Variants in TAF11 observed in about 807,000 individuals in gnomAD.
TAF11 encodes the protein TATA-box binding protein associated factor 11.
Under a neutral mutation model 23.0 loss-of-function variants are expected in TAF11, and 10 were observed. The observed-to-expected ratio is 0.43, with a 90% CI of 0.27 to 0.74. The LOEUF (loss-of-function observed/expected upper bound fraction) is 0.74. Ranked by LOEUF, TAF11 falls within the 30% of genes least tolerant of loss-of-function variation. The pLI is 0.19. For missense variants in TAF11, 196 were observed against 261.7 expected (o/e 0.75, Z 1.73); for synonymous variants, 85 against 95.8 (o/e 0.89, Z 0.66).
Position 34,878,502 on chromosome 6 carries a change from A to T in TAF11, c.*88T>A. The T allele has an allele frequency of 1.3e-6, 1 of 756,942 alleles. No individual in the cohort carries two copies. 46.9% of individuals were successfully genotyped at this position (756,942 alleles called of 1,614,324 possible). A position where few individuals can be genotyped will look rare whatever the true frequency, so the allele number is the denominator to read the frequency against. ...ATCATGGAATCCTTGGAGGCCTGAG[A>T]TACTAAAGCACCAATGCAGACAGTC... On this transcript the variant is annotated 3_prime_UTR_variant, in exon 5 of 5. Coordinates refer to ENST00000361288, the MANE Select transcript of TAF11 (RefSeq NM_005643.4).
At chr6:34,886,606 C>T (rs1024143448) in intron 1 of TAF11, among the ~76,000 whole-genome samples, 1 of 151,910 alleles carries the variant, frequency 6.6e-6, no homozygotes, top group African/African-American at 2.4e-5. Context: ...GCCGGGATTA[C>T]AGGCGCCCGC....
In TAF11 at chr6:34,877,607, T is replaced by A. The variant is rs1225314614; in HGVS notation, c.*983A>T. On this transcript the variant is annotated 3_prime_UTR_variant, in exon 5 of 5. Transcript: ENST00000361288. Reference sequence around the variant, plus strand: ...AGTCTTGGGGGGGGAATTATTACACTGTTTTTAACAGTGCTTGAAGTACTC... The same window carrying A: ...AGTCTTGGGGGGGGAATTATTACACAGTTTTTAACAGTGCTTGAAGTACTC... The A allele has an allele frequency of 6.6e-6, 1 of 152,576 alleles. No homozygotes were observed. Among genetic ancestry groups the A allele is most frequent in the Non-Finnish European group, 1.5e-5 (1 of 68,032 alleles). The allele number at this position is 152,576 out of a possible 1,614,324, so 9.5% of individuals were successfully genotyped here.
intron 1 of TAF11, among the ~76,000 whole-genome samples, chr6:34,883,378 C>CA (rs1342759828): frequency 9.3e-6 from 1 of 107,548 alleles, no homozygotes; most frequent in African/African-American, 9.4e-5. Context: ...AATCACCCTC[C>CA]CCCGGGCCCA....
Position 34,887,980 on chromosome 6 carries a change from A to G in TAF11, c.-23T>C, listed in dbSNP as rs777144220. Reference sequence around the variant, plus strand: ...CATCACGGATAGGATTGGAGGGGAGAGGAGATCGCGGAGATGCCTGAGGCA... The same window carrying G: ...CATCACGGATAGGATTGGAGGGGAGGGGAGATCGCGGAGATGCCTGAGGCA... On this transcript the variant is annotated 5_prime_UTR_variant, in exon 1 of 5. Transcript: ENST00000361288. 1.2e-6 allele frequency: 2 copies of G among 1,612,996 alleles called. No homozygotes were observed. Among genetic ancestry groups the G allele is most frequent in the East Asian group, 4.5e-5 (2 of 44,852 alleles).
chr6:34,885,126 C>G (rs1766506410), intron 1 of TAF11, among the ~76,000 whole-genome samples: 1 of 150,214 alleles, frequency 6.7e-6, no homozygotes. Context: ...CCCCCAGACT[C>G]GCTCTGTTGC....
Position 34,880,482 on chromosome 6 carries a change from G to T in TAF11, c.321-106C>A, listed in dbSNP as rs1343997195. On this transcript the variant is annotated intron_variant, in intron 2 of 4. Coordinates refer to ENST00000361288, the MANE Select transcript of TAF11 (RefSeq NM_005643.4). This position sits in a 1 kb window ranked among gnomAD's most constrained non-coding sequence, Gnocchi z 4.8. ...AATTCAAAAACGAATTCTTAAAGGG[G>T]TCAATGGCATTAGGCTTGGTGCCTT... 5.1e-6 allele frequency: 5 copies of T among 984,084 alleles called. No homozygotes were observed. Among genetic ancestry groups the T allele is most frequent in the African/African-American group, 1.6e-5 (1 of 61,730 alleles). The allele number at this position is 984,084 out of a possible 1,614,324, so 61.0% of individuals were successfully genotyped here.
chr6:34,879,644 C>G, intron 4 of TAF11: 1 of 985,326 alleles, frequency 1.0e-6, no homozygotes, highest in Non-Finnish European at 1.2e-6. Context: ...ACAGGTCACC[C>G]CTGTGATTGC....
At chr6:34,887,305 G>C (rs1198819661) in intron 1 of TAF11, among the ~76,000 whole-genome samples, 1 of 152,014 alleles carries the variant, frequency 6.6e-6, no homozygotes, top group African/African-American at 2.4e-5. Context: ...AATCGTGTTC[G>C]ATATAAAAGT....
rs1766395977 is a variant in TAF11, at chr6:34,880,165, A to T, written c.409-102T>A. The T allele has an allele frequency of 6.6e-7, 1 of 1,519,068 alleles. No homozygotes were observed. Among genetic ancestry groups the T allele is most frequent in the South Asian group, 1.1e-5 (1 of 87,462 alleles). The allele number at this position is 1,519,068 out of a possible 1,614,324, so 94.1% of individuals were successfully genotyped here. On this transcript the variant is annotated intron_variant, in intron 3 of 4. Transcript: ENST00000361288. The surrounding 1 kb of genome is among the most constrained non-coding windows in gnomAD (Gnocchi z 4.8). ...GAAAAAGGTAAGATAACTGAAGTGC[A>T]TTTTTTTTCCCACCTAAATAATCCC...
intron 2 of TAF11, among the ~76,000 whole-genome samples, chr6:34,881,928 C>G (rs1033715748): frequency 6.6e-6 from 1 of 151,054 alleles, no homozygotes. Context: ...AAACTCCTGA[C>G]CTCAAGTGAT....
Position 34,877,651 on chromosome 6 carries a change from T to C in TAF11, c.*939A>G, listed in dbSNP as rs1766330549. The C allele has an allele frequency of 6.6e-6, 1 of 152,580 alleles. No homozygotes were observed. The highest frequency in any genetic ancestry group is 1.5e-5 in the Non-Finnish European group (1 of 68,036). The allele number at this position is 152,580 out of a possible 1,614,324, so 9.5% of individuals were successfully genotyped here. ...AGTACTCTTTTATGAGATAAAATTT[T>C]AATGGTTCTACTAGAAAAAGTGCTC... On this transcript the variant is annotated 3_prime_UTR_variant, in exon 5 of 5. Transcript: ENST00000361288.
At chr6:34,878,807 CT>C in intron 4 of TAF11, 87 bp from the exon 5 acceptor site, 1 of 1,225,206 alleles carries the variant, frequency 8.2e-7, no homozygotes, top group South Asian at 1.3e-5. Flanking sequence ...TTCTTGTTAA[CT>C]TTTCTTAAGC....
chr6:34,878,502 A>G lies in TAF11; in HGVS notation c.*88T>C. ...ATCATGGAATCCTTGGAGGCCTGAG[A>G]TACTAAAGCACCAATGCAGACAGTC... On this transcript the variant is annotated 3_prime_UTR_variant, in exon 5 of 5. Coordinates refer to ENST00000361288, the MANE Select transcript of TAF11 (RefSeq NM_005643.4). 1.3e-6 allele frequency: 1 copy of G among 756,942 alleles called. No individual in the cohort carries two copies. The highest frequency in any genetic ancestry group is 2.4e-6 in the Non-Finnish European group (1 of 422,150). The allele number at this position is 756,942 out of a possible 1,614,324, so 46.9% of individuals were successfully genotyped here.
At chr6:34,882,824 AT>A (rs1461511666) in intron 2 of TAF11, 107 bp downstream of exon 2, 5 of 1,338,110 alleles carry the variant, frequency 3.7e-6, no homozygotes, top group Non-Finnish European at 5.0e-6. Context: ...TAATCGTTTT[AT>A]TTTCTTTTGA....
Position 34,882,940 on chromosome 6 carries a change from C to T in TAF11, c.312G>A (p.Gln104=), listed in dbSNP as rs150846067. The change falls in exon 2 of 5, where the codon CAG becomes CAA. Residue 104 remains glutamine (Q), a synonymous_variant. Coordinates refer to ENST00000361288, the MANE Select transcript of TAF11 (RefSeq NM_005643.4). ...ATAAGAAAGTGACTTACTGCATCTT[C>T]TGAATCTCATCTTCATCTACTTTCT... is the stretch of plus-strand genomic sequence containing the variant. The part of the protein sequence containing the change: ...KKQKVDEDEI[Q]KMQILVSSFS... 23 of 1,603,776 alleles carry T rather than the reference C, an allele frequency of 1.4e-5. No homozygotes were observed. The East Asian group carries it at 4.9e-4, about 34-fold the overall frequency.
intron 1 of TAF11, among the ~76,000 whole-genome samples, chr6:34,885,402 T>C (rs1267021992): frequency 6.6e-6 from 1 of 152,232 alleles, no homozygotes; most frequent in Non-Finnish European, 1.5e-5. Flanking sequence ...AAAAATAGTT[T>C]AAAATTTCCA....
rs1016380935 is a variant in TAF11 at position 34,880,692 on chromosome 6, A to C, written c.321-316T>G. On this transcript the variant is annotated intron_variant, in intron 2 of 4. Transcript: ENST00000361288. The surrounding 1 kb of genome is among the most constrained non-coding windows in gnomAD (Gnocchi z 4.8). ...TATTGAATTTCACACTGATGGTAAAAATTTAATATACAAATTTATAATCAA... is the reference window on the plus strand; with the variant it reads ...TATTGAATTTCACACTGATGGTAAACATTTAATATACAAATTTATAATCAA... Among the ~76,000 whole-genome samples, 3 of 152,200 alleles carry C rather than the reference A, an allele frequency of 2.0e-5. No homozygotes were observed. Among genetic ancestry groups the C allele is most frequent in the Non-Finnish European group, 4.4e-5 (3 of 68,032 alleles).
chr6:34,881,693 T>G (rs987632317), intron 2 of TAF11, among the ~76,000 whole-genome samples: 1 of 152,150 alleles, frequency 6.6e-6, no homozygotes, highest in African/African-American at 2.4e-5. Context: ...TTATTTTTTC[T>G]TCTTATCTAT....
chr6:34,884,841 G>T (rs1352317704), intron 1 of TAF11, among the ~76,000 whole-genome samples: 1 of 152,078 alleles, frequency 6.6e-6, no homozygotes, highest in Non-Finnish European at 1.5e-5. Flanking sequence ...TTGGTGGTTT[G>T]TATTTTCCTT....
Sources: allele counts gnomAD v4.1 joint callset (sites outside exome capture counted in the v4.1 genomes callset), GRCh38; gene constraint gnomAD v4.1.1; non-coding constraint Gnocchi (gnomAD v3.1); transcripts MANE v1.5; gene names NCBI Gene and HGNC (gene_info 2026-07-23, HGNC 2026-07-21).